Variants in CLEC16A observed in about 807,000 individuals in gnomAD.
CLEC16A encodes the protein C-type lectin domain containing 16A.
In CLEC16A, 51 loss-of-function variants were observed where a neutral mutation model predicts 109.5. That is an observed-to-expected ratio of 0.47 (90% CI 0.37 to 0.59). CLEC16A has a LOEUF of 0.59. Among genes scored for constraint, CLEC16A ranks in the 20% least tolerant of loss-of-function variants. The probability of loss-of-function intolerance (pLI) is 0.00; values close to 1 mark genes in which losing one functional copy is unlikely to be tolerated. For synonymous variants in CLEC16A, 673 were observed against 564.2 expected (o/e 1.19, Z -2.73); for missense variants, 1,339 against 1,394.0 (o/e 0.96, Z 0.63).
At chr16:11,027,530 C>G (rs2046480449) in intron 13 of CLEC16A, 3 of 1,567,722 alleles carry the variant, frequency 1.9e-6, no homozygotes, top group East Asian at 4.5e-5. Context: ...CTCTGACAGA[C>G]AACACAGTGA....
intron 22 of CLEC16A, among the ~76,000 whole-genome samples, chr16:11,133,804 A>C (rs1374438408): frequency 6.6e-6 from 1 of 152,132 alleles, no homozygotes; most frequent in Non-Finnish European, 1.5e-5. Flanking sequence ...TTCTGGAGTC[A>C]CACAGGAAGA....
At chr16:11,086,849 C>T (rs937706927) in intron 19 of CLEC16A, among the ~76,000 whole-genome samples, 4 of 152,260 alleles carry the variant, frequency 2.6e-5, no homozygotes, top group Middle Eastern at 3.4e-3. Context: ...TTTAAGTCAG[C>T]GCTACCCCAT....
At chr16:11,056,215 G>C (rs1004504600) in intron 18 of CLEC16A, among the ~76,000 whole-genome samples, 1 of 152,148 alleles carries the variant, frequency 6.6e-6, no homozygotes, top group African/African-American at 2.4e-5. Flanking sequence ...CCAACCACGG[G>C]TCAAATCCCA....
intron 19 of CLEC16A, among the ~76,000 whole-genome samples, chr16:11,093,925 C>T (rs1165401482): frequency 6.6e-6 from 1 of 152,114 alleles, no homozygotes; most frequent in Admixed American, 6.5e-5. Flanking sequence ...AGCCACGGTG[C>T]GTTCAGGGAT....
intron 22 of CLEC16A, among the ~76,000 whole-genome samples, chr16:11,147,070 C>T (rs529649052): frequency 2.6e-5 from 4 of 152,234 alleles, no homozygotes; most frequent in African/African-American, 4.8e-5. Flanking sequence ...AGAGGAAGAG[C>T]GCCGAGAACC....
chr16:11,008,826 T>TAAA (rs35514760), intron 11 of CLEC16A, among the ~76,000 whole-genome samples: 23 of 86,246 alleles, frequency 2.7e-4, no homozygotes, highest in African/African-American at 8.1e-4. Flanking sequence ...CCGTCTCTAC[T>TAAA]AAAAAAAAAA....
intron 18 of CLEC16A, among the ~76,000 whole-genome samples, chr16:11,060,056 T>C (rs1026014529): frequency 6.6e-6 from 1 of 152,202 alleles, no homozygotes; most frequent in Non-Finnish European, 1.5e-5. Flanking sequence ...GGAGGCTGCT[T>C]TCTGCACACA....
intron 4 of CLEC16A, among the ~76,000 whole-genome samples, chr16:10,970,093 A>C (rs867993090): frequency 6.6e-6 from 1 of 152,172 alleles, no homozygotes. Context: ...TATCACCCAC[A>C]CCAAAAGGTC....
chr16:11,022,425 C>G (rs968080643), intron 12 of CLEC16A, among the ~76,000 whole-genome samples: 8 of 146,798 alleles, frequency 5.4e-5, no homozygotes, highest in African/African-American at 2.0e-4. Flanking sequence ...AAGTGATCCT[C>G]CAATCCTCCT....
chr16:11,028,476 T>G lies in CLEC16A; in HGVS notation c.1537+3555T>G, dbSNP rs565542181. Among the ~76,000 whole-genome samples, 27 of 151,942 alleles carry G rather than the reference T, an allele frequency of 1.8e-4. No homozygotes were observed. The South Asian group carries it at 3.1e-3, about 18-fold the overall frequency. On this transcript the variant is annotated intron_variant, in intron 13 of 23. Transcript: ENST00000409790. The stretch of plus-strand genomic sequence containing the variant: ...TCTGGAGAGTCCTGGAGCCTTGTTT[T>G]GAAAAAGACTTGAAATACACATAGG...
chr16:11,012,803 T>G (rs1240714594), intron 11 of CLEC16A, among the ~76,000 whole-genome samples: 1 of 152,206 alleles, frequency 6.6e-6, no homozygotes, highest in African/African-American at 2.4e-5. Flanking sequence ...GGTAGGCTTG[T>G]TGAATGCTTT....
In CLEC16A at chr16:11,026,159, T is replaced by C. The variant is rs183217886; in HGVS notation, c.1537+1238T>C. ...TTCTTGTAATTCTCTTGTCTGGTTT[T>C]GCTATCAGGGTTATGCTCACCTAAT... On this transcript the variant is annotated intron_variant, in intron 13 of 23. Coordinates refer to ENST00000409790, the MANE Select transcript of CLEC16A (RefSeq NM_015226.3). 8.6e-5 allele frequency among the ~76,000 whole-genome samples: 13 copies of C among 152,004 alleles called. No individual in the cohort carries two copies. In the East Asian group the frequency reaches 2.5e-3, roughly 29 times the overall value.
Position 11,179,475 on chromosome 16 carries a change from G to C in CLEC16A, c.*785G>C, listed in dbSNP as rs969896683. On this transcript the variant is annotated 3_prime_UTR_variant, in exon 24 of 24. Coordinates refer to ENST00000409790, the MANE Select transcript of CLEC16A (RefSeq NM_015226.3). The stretch of plus-strand genomic sequence containing the variant: ...AGCTGAGAGGGCTGAATGGTTTTCT[G>C]CTATAGCAGCCGAGAGGCCTCCCAT... 6.6e-6 allele frequency: 1 copy of C among 152,206 alleles called. No individual in the cohort carries two copies. Among genetic ancestry groups the C allele is most frequent in the Non-Finnish European group, 1.5e-5 (1 of 68,050 alleles). The allele number at this position is 152,206 out of a possible 1,614,324, so 9.4% of individuals were successfully genotyped here.
chr16:11,059,989 T>C (rs898814160), intron 18 of CLEC16A, among the ~76,000 whole-genome samples: 3 of 152,192 alleles, frequency 2.0e-5, no homozygotes, highest in Non-Finnish European at 4.4e-5. Context: ...TGGCCTTTTC[T>C]GTGGACTGCC....
rs528881657 is a variant in CLEC16A, at chr16:11,180,547, A to C, written c.*1857A>C. The C allele has an allele frequency of 3.9e-5, 6 of 152,558 alleles. No homozygotes were observed. The highest frequency in any genetic ancestry group is 1.4e-4 in the African/African-American group (6 of 41,600). The allele number at this position is 152,558 out of a possible 1,614,324, so 9.5% of individuals were successfully genotyped here. On this transcript the variant is annotated 3_prime_UTR_variant, in exon 24 of 24. Coordinates refer to ENST00000409790, the MANE Select transcript of CLEC16A (RefSeq NM_015226.3). ...ACAGCATCAGGAGACGGGACACGCC[A>C]CACCCAGCAGGCAGCCTGTGTGTTG...
chr16:11,146,009 G>A (rs1299938799), intron 22 of CLEC16A, among the ~76,000 whole-genome samples: 2 of 152,196 alleles, frequency 1.3e-5, no homozygotes, highest in African/African-American at 4.8e-5. Flanking sequence ...CCTCTCCGCA[G>A]CCTTGACCTT....
At chr16:11,077,977 G>A (rs2049482021) in intron 19 of CLEC16A, among the ~76,000 whole-genome samples, 1 of 137,712 alleles carries the variant, frequency 7.3e-6, no homozygotes, top group African/African-American at 2.8e-5. Flanking sequence ...GTGTGTGTGT[G>A]TGTGTGTGTG....
chr16:10,965,650 G>C (rs2042465555), intron 3 of CLEC16A, among the ~76,000 whole-genome samples: 1 of 152,214 alleles, frequency 6.6e-6, no homozygotes, highest in African/African-American at 2.4e-5. Flanking sequence ...GTTGCCTGTT[G>C]GGGTTAGTGA....
intron 19 of CLEC16A, among the ~76,000 whole-genome samples, chr16:11,069,907 A>G (rs1289135243): frequency 6.6e-6 from 1 of 152,210 alleles, no homozygotes; most frequent in Non-Finnish European, 1.5e-5. Flanking sequence ...TGCATAGGTT[A>G]TATGCAAATA....
Sources: gnomAD v4.1 joint callset for allele counts (sites outside exome capture counted in the v4.1 genomes callset) on GRCh38, gnomAD v4.1.1 for gene constraint, MANE v1.5 for transcripts, NCBI Gene and HGNC (gene_info 2026-07-23, HGNC 2026-07-21) for gene names.